SRRM3: variants seen among roughly 807,000 people sequenced by gnomAD.
The protein encoded by SRRM3 is serine/arginine repetitive matrix 3, also known as serine/arginine repetitive matrix protein 3.
A neutral mutation model predicts 66.2 loss-of-function variants in SRRM3; 27 were observed. The ratio of observed to expected loss-of-function variants is 0.41; its 90% CI spans 0.30 to 0.56. The LOEUF is 0.56. SRRM3 is among the 20% of genes least tolerant of loss of function. The probability of loss-of-function intolerance (pLI) is 0.32; values close to 1 mark genes in which losing one functional copy is unlikely to be tolerated. For synonymous variants in SRRM3, 391 were observed against 414.9 expected (o/e 0.94, Z 0.70); for missense variants, 918 against 991.9 (o/e 0.93, Z 1.00).
At chr7:76,239,123 C>G (rs1554605301) in intron 2 of SRRM3, among the ~76,000 whole-genome samples, 1 of 152,082 alleles carries the variant, frequency 6.6e-6, no homozygotes, top group Non-Finnish European at 1.5e-5. Flanking sequence ...ACCTCCACCT[C>G]CCAGGTTCAA....
At position 76,285,581 on chromosome 7, in the gene SRRM3, G is replaced by A. The variant is rs1554612630; in HGVS notation, c.1734-34G>A. 2 of 1,528,182 alleles carry A rather than the reference G, an allele frequency of 1.3e-6. No homozygotes were observed. The highest frequency in any genetic ancestry group is 1.8e-6 in the Non-Finnish European group (2 of 1,130,398). The allele number at this position is 1,528,182 out of a possible 1,614,324, so 94.7% of individuals were successfully genotyped here. A position where few individuals can be genotyped will look rare whatever the true frequency, so the allele number is the denominator to read the frequency against. On this transcript the variant is annotated intron_variant, in intron 14 of 14. Coordinates refer to ENST00000611745, the MANE Select transcript of SRRM3 (RefSeq NM_001110199.3). The surrounding 1 kb of genome is among the most constrained non-coding windows in gnomAD (Gnocchi z 4.1). ...CTGCTGGGATGGGGCTCGGGGCCTG[G>A]GATGGCCTGTAATCAGCTTTTTCTT...
rs139739004 is a variant in SRRM3 at position 76,256,310 on chromosome 7, C to T, written c.336-3596C>T. ...TCACCTGAGGTCAGGAGTTCGAGAC[C>T]AGCCTGTCCAACATGGTGAAACCCC... On this transcript the variant is annotated intron_variant, in intron 3 of 14. Transcript: ENST00000611745. 4.8e-3 allele frequency among the ~76,000 whole-genome samples: 738 copies of T among 152,192 alleles called. 6 individuals carry two copies. Among genetic ancestry groups the T allele is most frequent in the African/African-American group, 0.017 (698 of 41,524 alleles).
intron 3 of SRRM3, among the ~76,000 whole-genome samples, chr7:76,257,234 C>G (rs1801734879): frequency 6.6e-6 from 1 of 151,992 alleles, no homozygotes; most frequent in African/African-American, 2.4e-5. Context: ...CTCTGCCGAT[C>G]CAAGCCCTTT....
intron 12 of SRRM3, among the ~76,000 whole-genome samples, chr7:76,282,089 T>A (rs1362712685): frequency 1.4e-5 from 2 of 139,600 alleles, no homozygotes; most frequent in Admixed American, 1.4e-4. Flanking sequence ...GATCCTCCCA[T>A]GGATTTCCTC....
intron 3 of SRRM3, among the ~76,000 whole-genome samples, chr7:76,259,583 T>TA (rs111908455): frequency 0.075 from 10,181 of 135,486 alleles, 878 homozygotes; most frequent in African/African-American, 0.21. Flanking sequence ...TCTCCAAAAT[T>TA]AAAAAAAAAA....
chr7:76,267,268 A>G lies in SRRM3; in HGVS notation c.841A>G (p.Lys281Glu), dbSNP rs782369374. 1 of 1,551,148 alleles carries G rather than the reference A, an allele frequency of 6.4e-7. No homozygotes were observed. The highest frequency in any genetic ancestry group is 8.7e-7 in the Non-Finnish European group (1 of 1,155,284). ...GGCGCCTAACCCCAGGCTGAGCCCC[A>G]AGCACCGAGACGAAGGGCGAAAGAC... ...DSRSPSRLSP[K>E]HRDEGRKTGS... is the part of the protein sequence containing the mutation. Residue 281 changes from lysine (K) to glutamate (E), a missense_variant, in exon 11 of 15, where the codon AAG becomes GAG. Coordinates refer to ENST00000611745, the MANE Select transcript of SRRM3 (RefSeq NM_001110199.3).
At chr7:76,265,855 T>A (rs1563634631) in intron 10 of SRRM3, among the ~76,000 whole-genome samples, 8 of 9,890 alleles carry the variant, frequency 8.1e-4, no homozygotes, top group Non-Finnish European at 8.9e-4. Context: ...TATATATATA[T>A]ATATTTTTTT....
At chr7:76,218,187 G>T (rs1800615333) in intron 1 of SRRM3, among the ~76,000 whole-genome samples, 1 of 152,160 alleles carries the variant, frequency 6.6e-6, no homozygotes, top group Non-Finnish European at 1.5e-5. Flanking sequence ...AAGCACACAG[G>T]CTTCTCCGAT....
At chr7:76,238,837 T>C (rs1313749723) in intron 2 of SRRM3, among the ~76,000 whole-genome samples, 10 of 146,026 alleles carry the variant, frequency 6.8e-5, no homozygotes, top group Middle Eastern at 3.4e-3. Context: ...ATTTTTGTAC[T>C]TTTTAGTAGA....
Position 76,250,220 on chromosome 7 carries a change from TTTTTGTTTTG to T in SRRM3, c.335+1950_335+1959del, listed in dbSNP as rs535216332. Among the ~76,000 whole-genome samples the T allele has an allele frequency of 7.3e-5, 11 of 150,656 alleles. No individual in the cohort carries two copies. The East Asian group carries it at 7.8e-4, about 11-fold the overall frequency. On this transcript the variant is annotated intron_variant, in intron 3 of 14. Transcript: ENST00000611745. ...CACCATGGCCCAGCTAATTTTTGTTTTTTTGTTTTGTTTTGTTTTGTTTTGTTTGAGACAG... is the reference window on the plus strand; with the variant it reads ...CACCATGGCCCAGCTAATTTTTGTTTTTTTGTTTTGTTTTGTTTGAGACAG...
At chr7:76,284,034 G>A (rs1802598260) in intron 14 of SRRM3, among the ~76,000 whole-genome samples, 1 of 152,134 alleles carries the variant, frequency 6.6e-6, no homozygotes, top group South Asian at 2.1e-4. Context: ...CATCTTTTCA[G>A]TTCTAACAGG....
chr7:76,207,226 T>A (rs1431733589), intron 1 of SRRM3, among the ~76,000 whole-genome samples: 1 of 151,876 alleles, frequency 6.6e-6, no homozygotes, highest in Non-Finnish European at 1.5e-5. Flanking sequence ...TGCTTGAGTC[T>A]AGGACTTCAA....
chr7:76,258,785 G>A (rs1471757968), intron 3 of SRRM3, among the ~76,000 whole-genome samples: 4 of 151,292 alleles, frequency 2.6e-5, no homozygotes, highest in South Asian at 2.1e-4. Context: ...CGCCGTGCGC[G>A]GTGGCTCACG....
chr7:76,285,879 T>G lies in SRRM3; in HGVS notation c.*36T>G. On this transcript the variant is annotated 3_prime_UTR_variant, in exon 15 of 15. Coordinates refer to ENST00000611745, the MANE Select transcript of SRRM3 (RefSeq NM_001110199.3). The surrounding 1 kb of genome is among the most constrained non-coding windows in gnomAD (Gnocchi z 4.1). ...ACTCAGCTTGGTGCCCCCCTGGCAC[T>G]GGGAGAGGCGAGGGGCGGGCCCCAG... 6.6e-7 allele frequency: 1 copy of G among 1,525,634 alleles called. No individual in the cohort carries two copies. Among genetic ancestry groups the G allele is most frequent in the East Asian group, 2.5e-5 (1 of 40,532 alleles). 94.5% of individuals were successfully genotyped at this position (1,525,634 alleles called of 1,614,324 possible).
Position 76,235,195 on chromosome 7 carries a change from G to T in SRRM3, c.129G>T (p.Glu43Asp), listed in dbSNP as rs781823882. ...CGGAAGAGGAGCTGCGCGCCGCGGAGCCGGGCCTGGTGAAGCGCGCGCACC... is the reference window on the plus strand; with the variant it reads ...CGGAAGAGGAGCTGCGCGCCGCGGATCCGGGCCTGGTGAAGCGCGCGCACC... Reference protein sequence around the residue: ...PRAEEELRAAEPGLVKRAHRE... With the variant: ...PRAEEELRAADPGLVKRAHRE... The change falls in exon 2 of 15, where the codon GAG (glutamate) becomes GAT (aspartate). Residue 43 changes from glutamate (E) to aspartate (D), a missense_variant. Coordinates refer to ENST00000611745, the MANE Select transcript of SRRM3 (RefSeq NM_001110199.3). The T allele has an allele frequency of 6.5e-7, 1 of 1,549,948 alleles. No individual in the cohort carries two copies. The highest frequency in any genetic ancestry group is 1.9e-5 in the Admixed American group (1 of 52,196).
chr7:76,260,076 GC>G (rs1260341306), intron 4 of SRRM3, 40 bp from the exon 5 acceptor site: 59 of 1,431,354 alleles, frequency 4.1e-5, no homozygotes, highest in Admixed American at 9.6e-5. Context: ...GCGCGGGGCT[GC>G]CCCCCCTCAC....
intron 3 of SRRM3, among the ~76,000 whole-genome samples, chr7:76,249,798 G>A (rs374622877): frequency 3.2e-4 from 48 of 152,230 alleles, no homozygotes; most frequent in African/African-American, 1.1e-3. Flanking sequence ...TGTAATCTCA[G>A]CTACTTGGGA....
chr7:76,241,468 G>T (rs1031988115), intron 2 of SRRM3, among the ~76,000 whole-genome samples: 1 of 152,156 alleles, frequency 6.6e-6, no homozygotes, highest in Non-Finnish European at 1.5e-5. Context: ...ACTGCTCTGG[G>T]ACAGATAAGC....
chr7:76,236,320 A>G (rs868977049), intron 2 of SRRM3, among the ~76,000 whole-genome samples: 29 of 151,570 alleles, frequency 1.9e-4, no homozygotes, highest in South Asian at 6.3e-4. Context: ...AAAAAAAAAA[A>G]AAAAGAAAAG....
Sources: gnomAD v4.1 joint callset for allele counts (sites outside exome capture counted in the v4.1 genomes callset) on GRCh38, gnomAD v4.1.1 for gene constraint, Gnocchi (gnomAD v3.1) non-coding constraint, MANE v1.5 for transcripts, NCBI Gene and HGNC (gene_info 2026-07-23, HGNC 2026-07-21) for gene names.